DNMT3A: variants seen among roughly 807,000 people sequenced by gnomAD.
DNMT3A encodes DNA (cytosine-5)-methyltransferase 3A.
Under a neutral mutation model 117.6 loss-of-function variants are expected in DNMT3A, and 267 were observed. That is an observed-to-expected ratio of 2.27 (90% confidence interval 2.05 to 2.51). The LOEUF is 2.51. Ranked by LOEUF, DNMT3A falls within the 30% of genes most tolerant of loss-of-function variation. The pLI is 0.00. For synonymous variants in DNMT3A, 432 were observed against 474.8 expected, an observed-to-expected ratio of 0.91 and a Z score of 1.17; for missense variants, 1,029 against 1,260.2, an observed-to-expected ratio of 0.82 and a Z score of 2.78.
chr2:25,274,757 C>A (rs746675237), intron 6 of DNMT3A, among the ~76,000 whole-genome samples, 184 bp downstream of exon 6: 1 of 152,232 alleles, frequency 6.6e-6, no homozygotes, highest in Non-Finnish European at 1.5e-5. Context: ...AGTACACAGC[C>A]AGGTATACAG....
At chr2:25,284,941 C>G (rs1459768556) in intron 3 of DNMT3A, among the ~76,000 whole-genome samples, 2 of 152,146 alleles carry the variant, frequency 1.3e-5, no homozygotes, top group Non-Finnish European at 2.9e-5. Flanking sequence ...ACTTAACAAG[C>G]AGAGTGGGCA....
In DNMT3A at chr2:25,240,334, T is replaced by TAA; in HGVS notation, c.2288_2289dup (p.Ser764LeufsTer16). ...AATCGCGAGATGTCCCTCTTGTCAC[T>TAA]AACGCCCATGGCCACCACATTCTCA... On this transcript the variant is annotated frameshift_variant, in exon 19 of 23. Transcript: ENST00000321117. LOFTEE classifies it high-confidence loss of function. 1 of 1,614,206 alleles carries TAA rather than the reference T, an allele frequency of 6.2e-7. No individual in the cohort carries two copies. Among genetic ancestry groups the TAA allele is most frequent in the Non-Finnish European group, 8.5e-7 (1 of 1,180,048 alleles).
Position 25,244,353 on chromosome 2 carries a change from A to G in DNMT3A, c.1668-15T>C. 1 of 1,592,492 alleles carries G rather than the reference A, an allele frequency of 6.3e-7. No homozygotes were observed. Among genetic ancestry groups the G allele is most frequent in the South Asian group, 1.1e-5 (1 of 89,020 alleles). On this transcript the variant is annotated splice_polypyrimidine_tract_variant and intron_variant, in intron 14 of 22. Coordinates refer to ENST00000321117, the MANE Select transcript of DNMT3A (RefSeq NM_022552.5). ...CGCAAAAGCACCTGGAAGGAGACCC[A>G]GTGAGCAGAGGAGACTCTCAGCCCT...
Position 25,252,316 on chromosome 2 carries a change from G to A in DNMT3A, c.640-4064C>T. The A allele has an allele frequency of 2.7e-6, 1 of 368,316 alleles. No homozygotes were observed. The highest frequency in any genetic ancestry group is 4.5e-6 in the Non-Finnish European group (1 of 220,214). The allele number at this position is 368,316 out of a possible 1,614,324, so 22.8% of individuals were successfully genotyped here. A position where few individuals can be genotyped will look rare whatever the true frequency, so the allele number is the denominator to read the frequency against. On this transcript the variant is annotated intron_variant, in intron 6 of 22. Transcript: ENST00000321117. The surrounding 1 kb of genome is among the most constrained non-coding windows in gnomAD (Gnocchi z 5.5). ...GGGCGATGGGGCTGGGGGCGGAGGG[G>A]GCCACTGGGAGGGGAGGGGGGCGGC...
At chr2:25,244,408 G>C (rs1674476022) in intron 14 of DNMT3A, 70 bp from the exon 15 acceptor site, 3 of 1,564,828 alleles carry the variant, frequency 1.9e-6, no homozygotes, top group African/African-American at 1.4e-5. Flanking sequence ...GTGCTACCTG[G>C]AATGGAAAGA....
In DNMT3A at chr2:25,282,340, C is replaced by T; in HGVS notation, c.448+101G>A. 1.3e-6 allele frequency: 2 copies of T among 1,528,124 alleles called. No individual in the cohort carries two copies. Among genetic ancestry groups the T allele is most frequent in the Non-Finnish European group, 1.8e-6 (2 of 1,132,564 alleles). The allele number at this position is 1,528,124 out of a possible 1,614,324, so 94.7% of individuals were successfully genotyped here. A position where few individuals can be genotyped will look rare whatever the true frequency, so the allele number is the denominator to read the frequency against. On this transcript the variant is annotated intron_variant, in intron 4 of 22. Coordinates refer to ENST00000321117, the MANE Select transcript of DNMT3A (RefSeq NM_022552.5). This position sits in a 1 kb window ranked among gnomAD's most constrained non-coding sequence, Gnocchi z 5.2. ...TTGGCAAGCAGACCTTTAGCCACGACCCAGACCATCCTTCCTGGGACCTGC... is the reference window on the plus strand; with the variant it reads ...TTGGCAAGCAGACCTTTAGCCACGATCCAGACCATCCTTCCTGGGACCTGC...
At chr2:25,284,910 T>C (rs994187940) in intron 3 of DNMT3A, among the ~76,000 whole-genome samples, 1 of 152,152 alleles carries the variant, frequency 6.6e-6, no homozygotes, top group Non-Finnish European at 1.5e-5. Context: ...CTAGTCGTAA[T>C]GTTCTGCAAC....
rs534299839 is a variant in DNMT3A, at chr2:25,266,525, T to A, written c.639+8416A>T. The stretch of plus-strand genomic sequence containing the variant: ...CTTTACTTAGTAGGTGCTGAGTGAC[T>A]GCTTATTAAATGGAATATGACACAG... On this transcript the variant is annotated intron_variant, in intron 6 of 22. Coordinates refer to ENST00000321117, the MANE Select transcript of DNMT3A (RefSeq NM_022552.5). Among the ~76,000 whole-genome samples, 4 of 152,298 alleles carry A rather than the reference T, an allele frequency of 2.6e-5. No homozygotes were observed. In the South Asian group the frequency reaches 8.3e-4, roughly 32 times the overall value.
chr2:25,282,829 T>G lies in DNMT3A; in HGVS notation c.178-118A>C. The G allele has an allele frequency of 7.7e-7, 1 of 1,295,264 alleles. No homozygotes were observed. Among genetic ancestry groups the G allele is most frequent in the Non-Finnish European group, 1.0e-6 (1 of 967,740 alleles). 80.2% of individuals were successfully genotyped at this position (1,295,264 alleles called of 1,614,324 possible). ...TTATGCACTTTCTGTCCAGAAACTGTGTTCATATAAACCTTCATGCAAACA... is the reference window on the plus strand; with the variant it reads ...TTATGCACTTTCTGTCCAGAAACTGGGTTCATATAAACCTTCATGCAAACA... On this transcript the variant is annotated intron_variant, in intron 3 of 22. Transcript: ENST00000321117. The surrounding 1 kb of genome is among the most constrained non-coding windows in gnomAD (Gnocchi z 5.2).
chr2:25,297,813 C>T (rs886677252), intron 3 of DNMT3A, among the ~76,000 whole-genome samples: 3 of 152,186 alleles, frequency 2.0e-5, no homozygotes, highest in African/African-American at 4.8e-5. Context: ...CCTGGCCCAG[C>T]CTGCACATTT....
In DNMT3A at chr2:25,240,644, G is replaced by C. The variant is rs1213536121; in HGVS notation, c.2169C>G (p.Leu723=). 3.1e-6 allele frequency: 5 copies of C among 1,614,144 alleles called. No homozygotes were observed. Among genetic ancestry groups the C allele is most frequent in the South Asian group, 1.1e-5 (1 of 91,086 alleles). ...AGGGGACAGGATGGTACCTACCGTA[G>C]AGGCCCTTGCGAGCAGGGTTGACGA... ...LSIVNPARKG[L]YEGTGRLFFE... is the part of the protein sequence containing the mutation. Residue 723 remains leucine, a synonymous_variant, in exon 18 of 23, where the codon CTC becomes CTG. Coordinates refer to ENST00000321117, the MANE Select transcript of DNMT3A (RefSeq NM_022552.5).
intron 20 of DNMT3A, 66 bp downstream of exon 20, chr2:25,239,064 C>T (rs1673675103): frequency 6.8e-7 from 1 of 1,472,654 alleles, no homozygotes; most frequent in African/African-American, 1.4e-5. Flanking sequence ...AGGGGCTTCC[C>T]CACTATGGGT....
intron 2 of DNMT3A, among the ~76,000 whole-genome samples, chr2:25,307,459 C>CTTTTTT (rs35144977): frequency 2.9e-4 from 23 of 79,088 alleles, no homozygotes; most frequent in Non-Finnish European, 3.5e-4. Flanking sequence ...CACACCGCAG[C>CTTTTTT]TTTTTTTTTT....
Position 25,236,790 on chromosome 2 carries a change from G to T in DNMT3A, c.2478+146C>A. On this transcript the variant is annotated intron_variant, in intron 21 of 22. Coordinates refer to ENST00000321117, the MANE Select transcript of DNMT3A (RefSeq NM_022552.5). This position sits in a 1 kb window ranked among gnomAD's most constrained non-coding sequence, Gnocchi z 4.5. The stretch of plus-strand genomic sequence containing the variant: ...CCCTGGGCCCTCCTCTGGCTGCCCT[G>T]CTGCATGACCCTGCACCGTCTCCTA... The T allele has an allele frequency of 1.2e-6, 1 of 808,760 alleles. No individual in the cohort carries two copies. The highest frequency in any genetic ancestry group is 1.8e-6 in the Non-Finnish European group (1 of 542,288). The allele number at this position is 808,760 out of a possible 1,614,324, so 50.1% of individuals were successfully genotyped here.
chr2:25,261,013 G>A (rs1011307146), intron 6 of DNMT3A, among the ~76,000 whole-genome samples: 1 of 151,580 alleles, frequency 6.6e-6, no homozygotes, highest in African/African-American at 2.4e-5. Flanking sequence ...ATTAACGTAG[G>A]CCCGGCATGA....
intron 3 of DNMT3A, 113 bp downstream of exon 3, chr2:25,300,026 C>G: frequency 9.1e-7 from 1 of 1,097,866 alleles, no homozygotes; most frequent in South Asian, 1.6e-5. Flanking sequence ...TACCCCATCA[C>G]CTGGTCTTAA....
In DNMT3A at chr2:25,247,208, C is replaced by T; in HGVS notation, c.1015-50G>A. 6.4e-7 allele frequency: 1 copy of T among 1,574,514 alleles called. No individual in the cohort carries two copies. The highest frequency in any genetic ancestry group is 1.1e-5 in the South Asian group (1 of 88,362). On this transcript the variant is annotated intron_variant, in intron 8 of 22. Transcript: ENST00000321117. This position sits in a 1 kb window ranked among gnomAD's most constrained non-coding sequence, Gnocchi z 5.6. ...TTGCCGAGGCTTACACTTGCAAGCACCCACCCCATGCCTTGCAACTGGCAG... is the reference window on the plus strand; with the variant it reads ...TTGCCGAGGCTTACACTTGCAAGCATCCACCCCATGCCTTGCAACTGGCAG...
At chr2:25,335,967 A>AG (rs1558750851) in intron 1 of DNMT3A, among the ~76,000 whole-genome samples, 1 of 151,910 alleles carries the variant, frequency 6.6e-6, no homozygotes, top group Non-Finnish European at 1.5e-5. Flanking sequence ...AAAAAAAAAA[A>AG]CAAACCACTC....
chr2:25,247,628 C>G lies in DNMT3A; in HGVS notation c.977G>C (p.Arg326Pro). 2 of 1,613,960 alleles carry G rather than the reference C, an allele frequency of 1.2e-6. No individual in the cohort carries two copies. Among genetic ancestry groups the G allele is most frequent in the Admixed American group, 1.7e-5 (1 of 59,984 alleles). The stretch of plus-strand genomic sequence containing the variant: ...GCCGTCTCCGAACCACATGACCCAG[C>G]GGGTGCCTTCAGCTGCTCGGCTCCG... ...TGRSRAAEGT[R>P]WVMWFGDGKF... Residue 326 changes from arginine to proline, a missense_variant, in exon 8 of 23, where the codon CGC (arginine) becomes CCC (proline). Physicochemically the swap from Arg to Pro is moderately radical, Grantham distance 103. Coordinates refer to ENST00000321117, the MANE Select transcript of DNMT3A (RefSeq NM_022552.5). This position sits in a 1 kb window ranked among gnomAD's most constrained non-coding sequence, Gnocchi z 5.6.
Sources: gnomAD v4.1 joint callset for allele counts (sites outside exome capture counted in the v4.1 genomes callset) on GRCh38, gnomAD v4.1.1 for gene constraint, Gnocchi (gnomAD v3.1) non-coding constraint, MANE v1.5 for transcripts, NCBI Gene and HGNC (gene_info 2026-07-23, HGNC 2026-07-21) for gene names.